Variants in UBAP1L observed in about 807,000 individuals in gnomAD.
UBAP1L encodes ubiquitin associated protein 1 like, also known as ubiquitin-associated protein 1-like.
In UBAP1L, 32 loss-of-function variants were observed where a neutral mutation model predicts 32.1. That is an observed-to-expected ratio of 1.00 (90% confidence interval 0.75 to 1.34). The LOEUF (loss-of-function observed/expected upper bound fraction) is 1.34. UBAP1L is among the 40% of genes most tolerant of loss of function. The pLI is 0.00. For synonymous variants in UBAP1L, 243 were observed against 250.2 expected, an observed-to-expected ratio of 0.97 and a Z score of 0.27; for missense variants, 516 against 540.5, an observed-to-expected ratio of 0.95 and a Z score of 0.45.
chr15:65,108,941 G>C (rs1254757814), intron 1 of UBAP1L, among the ~76,000 whole-genome samples: 1 of 151,836 alleles, frequency 6.6e-6, no homozygotes, highest in African/African-American at 2.4e-5. Context: ...CAGATCGCTT[G>C]AGGTTGGGAG....
At chr15:65,112,109 T>A (rs1429566321) in intron 1 of UBAP1L, among the ~76,000 whole-genome samples, 1 of 152,136 alleles carries the variant, frequency 6.6e-6, no homozygotes, top group African/African-American at 2.4e-5. Context: ...AGTGGTCTAG[T>A]CCTTATGGGC....
intron 5 of UBAP1L, 96 bp from the exon 6 acceptor site, chr15:65,093,327 CA>C: frequency 7.1e-7 from 1 of 1,404,426 alleles, no homozygotes; most frequent in South Asian, 1.6e-5. Flanking sequence ...CACCTAGTCC[CA>C]AAAAGCTGTG....
intron 3 of UBAP1L, among the ~76,000 whole-genome samples, chr15:65,101,787 C>G (rs913366472): frequency 6.6e-6 from 1 of 152,200 alleles, no homozygotes. Flanking sequence ...GCGATCCAGT[C>G]CCTGCCCTAA....
chr15:65,113,564 A>G (rs1396024490), intron 1 of UBAP1L, among the ~76,000 whole-genome samples: 1 of 152,162 alleles, frequency 6.6e-6, no homozygotes, highest in Admixed American at 6.6e-5. Context: ...CCTGGCCAAC[A>G]TGGCAAAACC....
intron 5 of UBAP1L, 111 bp from the exon 6 acceptor site, chr15:65,093,342 AC>A: frequency 2.2e-6 from 3 of 1,342,280 alleles, no homozygotes; most frequent in Non-Finnish European, 2.9e-6. Flanking sequence ...AGCTGTGGCT[AC>A]CCCCAGGCCA....
chr15:65,113,660 A>T (rs1339447606), intron 1 of UBAP1L, among the ~76,000 whole-genome samples: 1 of 152,150 alleles, frequency 6.6e-6, no homozygotes, highest in African/African-American at 2.4e-5. Flanking sequence ...AGACGAGAGA[A>T]CTGCTTGAAC....
intron 1 of UBAP1L, among the ~76,000 whole-genome samples, chr15:65,113,630 C>T (rs1341759471): frequency 5.9e-5 from 9 of 152,108 alleles, no homozygotes; most frequent in Admixed American, 5.2e-4. Flanking sequence ...CGCCTGTACT[C>T]ACAGCTACTC....
At position 65,102,255 on chromosome 15, in the gene UBAP1L, G is replaced by A; in HGVS notation, c.550C>T (p.Leu184=). The stretch of plus-strand genomic sequence containing the variant: ...TGCGCAGGGCTCGGGCACAGGCTCA[G>A]CGCGCGGTGGCCGCGGAGGCCATGC... ...LLHGLRGHRA[L]SLCPSPAQSP... Residue 184 remains leucine, a synonymous_variant, in exon 3 of 6, where the codon CTG becomes TTG. Coordinates refer to ENST00000559089, the MANE Select transcript of UBAP1L (RefSeq NM_001163692.2). This position sits in a 1 kb window ranked among gnomAD's most constrained non-coding sequence, Gnocchi z 5.0. 2.3e-6 allele frequency: 3 copies of A among 1,306,466 alleles called. No homozygotes were observed. The highest frequency in any genetic ancestry group is 2.9e-6 in the Non-Finnish European group (3 of 1,031,148). 80.9% of individuals were successfully genotyped at this position (1,306,466 alleles called of 1,614,324 possible). A position where few individuals can be genotyped will look rare whatever the true frequency, so the allele number is the denominator to read the frequency against.
chr15:65,103,650 A>G (rs769460311), intron 2 of UBAP1L, among the ~76,000 whole-genome samples: 4 of 152,210 alleles, frequency 2.6e-5, no homozygotes, highest in Non-Finnish European at 4.4e-5. Context: ...GGAGAGGAGC[A>G]TAAGTTAGCT....
intron 1 of UBAP1L, 36 bp downstream of exon 1, chr15:65,115,114 C>T (rs556326247): frequency 1.4e-4 from 21 of 152,300 alleles, no homozygotes; most frequent in African/African-American, 5.1e-4. Context: ...GCATATTATA[C>T]TTATTTAAAT....
intron 3 of UBAP1L, 25 bp from the exon 4 acceptor site, chr15:65,099,739 G>A: frequency 6.5e-7 from 1 of 1,527,560 alleles, no homozygotes; most frequent in Non-Finnish European, 8.8e-7. Flanking sequence ...GACTGGACAT[G>A]TCAGTTACTA....
At chr15:65,112,250 G>A (rs2087373715) in intron 1 of UBAP1L, among the ~76,000 whole-genome samples, 3 of 152,146 alleles carry the variant, frequency 2.0e-5, no homozygotes, top group Admixed American at 2.0e-4. Context: ...TTAAGCAGAT[G>A]GTCTGTGCTG....
At position 65,094,879 on chromosome 15, in the gene UBAP1L, G is replaced by A. The variant is rs2087157268; in HGVS notation, c.910-303C>T. On this transcript the variant is annotated intron_variant, in intron 4 of 5. Transcript: ENST00000559089. This position sits in a 1 kb window ranked among gnomAD's most constrained non-coding sequence, Gnocchi z 4.2. ...AGAACCTAGGTGGGGAGCAGGACAG[G>A]CTTCAAACACAGACATCCCACCTAC... The A allele has an allele frequency of 7.8e-5, 34 of 433,682 alleles. No homozygotes were observed. The South Asian group carries it at 8.2e-4, about 11-fold the overall frequency. The allele number at this position is 433,682 out of a possible 1,614,324, so 26.9% of individuals were successfully genotyped here.
chr15:65,107,466 C>G (rs555549498), intron 1 of UBAP1L, among the ~76,000 whole-genome samples: 1 of 151,970 alleles, frequency 6.6e-6, no homozygotes, highest in East Asian at 1.9e-4. Flanking sequence ...TGCAGTGGCT[C>G]ACACCTGTAA....
At chr15:65,105,258 A>G (rs1318539531) in intron 2 of UBAP1L, among the ~76,000 whole-genome samples, 1 of 152,016 alleles carries the variant, frequency 6.6e-6, no homozygotes, top group African/African-American at 2.4e-5. Context: ...GAGGATCACT[A>G]GAGCCCAGGA....
chr15:65,115,105 C>T (rs1417666143), intron 1 of UBAP1L, 45 bp downstream of exon 1: 1 of 152,196 alleles, frequency 6.6e-6, no homozygotes, highest in Non-Finnish European at 1.5e-5. Flanking sequence ...TCATATATTG[C>T]ATATTATACT....
Position 65,093,088 on chromosome 15 carries a change from C to T in UBAP1L, c.*9G>A. 6.5e-7 allele frequency: 1 copy of T among 1,545,564 alleles called. No homozygotes were observed. The highest frequency in any genetic ancestry group is 8.7e-7 in the Non-Finnish European group (1 of 1,145,758). On this transcript the variant is annotated 3_prime_UTR_variant, in exon 6 of 6. Coordinates refer to ENST00000559089, the MANE Select transcript of UBAP1L (RefSeq NM_001163692.2). The stretch of plus-strand genomic sequence containing the variant: ...CTAGATGCCCAGGCATCGTGGAGTG[C>T]CTCCGTGGTCACTGGGCACAGGCCA...
intron 2 of UBAP1L, chr15:65,105,750 G>C: frequency 1.4e-6 from 1 of 698,542 alleles, no homozygotes; most frequent in African/African-American, 1.7e-5. Flanking sequence ...GTGTGCCCAG[G>C]TCAAGTAGTG....
chr15:65,109,361 T>C (rs1398466013), intron 1 of UBAP1L, among the ~76,000 whole-genome samples: 1 of 149,132 alleles, frequency 6.7e-6, no homozygotes. Context: ...TGGGCGCCTG[T>C]AGTCCCAGCT....
Sources: gnomAD v4.1 joint callset for allele counts (sites outside exome capture counted in the v4.1 genomes callset) on GRCh38, gnomAD v4.1.1 for gene constraint, Gnocchi (gnomAD v3.1) non-coding constraint, MANE v1.5 for transcripts, NCBI Gene and HGNC (gene_info 2026-07-23, HGNC 2026-07-21) for gene names.